Variants in MTMR8 observed in about 807,000 individuals in gnomAD.
MTMR8 encodes phosphatidylinositol-3,5-bisphosphate 3-phosphatase MTMR8.
MTMR8 carries 65 observed loss-of-function variants against 39.3 expected under a neutral mutation model. The ratio of observed to expected loss-of-function variants is 1.65; its 90% confidence interval spans 1.35 to 2.03. MTMR8 has a LOEUF of 2.03. MTMR8 is among the 30% of genes most tolerant of loss of function. The probability of loss-of-function intolerance (pLI) is 0.00; values close to 1 mark genes in which losing one functional copy is unlikely to be tolerated. For synonymous variants in MTMR8, 245 were observed against 185.2 expected, an observed-to-expected ratio of 1.32 and a Z score of -2.62; for missense variants, 777 against 538.9, an observed-to-expected ratio of 1.44 and a Z score of -4.37.
intron 1 of MTMR8, among the ~76,000 whole-genome samples, chrX:64,368,393 A>G (rs1208845867): frequency 8.9e-6 from 1 of 111,895 alleles, no homozygotes; most frequent in Non-Finnish European, 1.9e-5. Flanking sequence ...ACAGCATGGT[A>G]CTGGTACCAA....
At chrX:64,286,851 A>T (rs1379441317) in intron 12 of MTMR8, among the ~76,000 whole-genome samples, 3 of 111,637 alleles carry the variant, frequency 2.7e-5, no homozygotes, top group Non-Finnish European at 5.6e-5. Flanking sequence ...CCCACAGCCA[A>T]TATCATACTG....
chrX:64,360,340 G>T (rs769049353), intron 1 of MTMR8: 1 of 283,788 alleles, frequency 3.5e-6, no homozygotes, highest in South Asian at 3.4e-5. Flanking sequence ...AGGAACAAGT[G>T]CACATGGATA....
Position 64,365,689 on chromosome X carries a change from G to T in MTMR8, c.25-6162C>A, listed in dbSNP as rs184424330. On this transcript the variant is annotated intron_variant, in intron 1 of 13. Coordinates refer to ENST00000374852, the MANE Select transcript of MTMR8 (RefSeq NM_017677.4). ...TTGTAAAGATCATCGAGGCTAGGAA[G>T]AAACTGCATCAACTACCAAGCAAAA... is the stretch of plus-strand genomic sequence containing the variant. 6.8e-4 allele frequency among the ~76,000 whole-genome samples: 76 copies of T among 111,737 alleles called. No individual in the cohort carries two copies. The East Asian group carries it at 0.021, about 30-fold the overall frequency.
intron 12 of MTMR8, among the ~76,000 whole-genome samples, chrX:64,291,273 C>T (rs1375126615): frequency 1.8e-5 from 2 of 110,681 alleles, no homozygotes; most frequent in African/African-American, 6.6e-5. Flanking sequence ...CTTGCATACC[C>T]CACAAAACTG....
intron 1 of MTMR8, among the ~76,000 whole-genome samples, chrX:64,387,884 G>C (rs897391170): frequency 2.7e-5 from 3 of 109,896 alleles, no homozygotes; most frequent in African/African-American, 1.0e-4. Context: ...GAGAGAAAAG[G>C]AGAGAAAAGA....
intron 12 of MTMR8, among the ~76,000 whole-genome samples, chrX:64,301,223 G>A (rs1326171517): frequency 1.8e-5 from 2 of 108,369 alleles, no homozygotes; most frequent in Non-Finnish European, 3.8e-5. Flanking sequence ...CCAATCAGAC[G>A]TAGATTTGGT....
In MTMR8 at chrX:64,276,980, C is replaced by T. The variant is rs868611088; in HGVS notation, c.1482-5907G>A. Among the ~76,000 whole-genome samples, 198 of 112,078 alleles carry T rather than the reference C, an allele frequency of 1.8e-3. 2 individuals are homozygous for T. Among genetic ancestry groups the T allele is most frequent in the Non-Finnish European group, 7.9e-4 (42 of 53,169 alleles). ...TTAGGATAGTTAACTCTTCTTGTTG[C>T]ATTGATCCCTTTACCATTATGTAAT... is the stretch of plus-strand genomic sequence containing the variant. On this transcript the variant is annotated intron_variant, in intron 12 of 13. Transcript: ENST00000374852.
chrX:64,325,987 T>C (rs990566300), intron 12 of MTMR8, among the ~76,000 whole-genome samples: 1 of 111,954 alleles, frequency 8.9e-6, no homozygotes, highest in African/African-American at 3.2e-5. Context: ...TAGCCCACTG[T>C]TGACCAGAAG....
chrX:64,304,985 T>A (rs747062584), intron 12 of MTMR8: 4 of 91,174 alleles, frequency 4.4e-5, no homozygotes, highest in East Asian at 6.4e-4. Context: ...TATATGTATA[T>A]ACATATATAC....
At chrX:64,384,298 C>T (rs1445671384) in intron 1 of MTMR8, among the ~76,000 whole-genome samples, 6 of 111,004 alleles carry the variant, frequency 5.4e-5, no homozygotes, top group Non-Finnish European at 7.6e-5. Context: ...TAGGTGAATG[C>T]CTCCAGGTTT....
chrX:64,284,799 T>C (rs898664545), intron 12 of MTMR8, among the ~76,000 whole-genome samples: 2 of 111,827 alleles, frequency 1.8e-5, no homozygotes. Context: ...CCACCAGGCC[T>C]GCCCTACAAG....
At chrX:64,367,495 CCAA>C (rs1924005047) in intron 1 of MTMR8, among the ~76,000 whole-genome samples, 1 of 111,923 alleles carries the variant, frequency 8.9e-6, no homozygotes, top group Non-Finnish European at 1.9e-5. Context: ...ATAAACAGAA[CCAA>C]CGACAAAAAC....
intron 1 of MTMR8, among the ~76,000 whole-genome samples, chrX:64,392,611 G>T (rs983573047): frequency 2.5e-4 from 28 of 110,129 alleles, no homozygotes; most frequent in Non-Finnish European, 3.4e-4. Context: ...TTTTGTTTTT[G>T]TTTTTTTTAA....
chrX:64,306,924 C>G (rs1922139358), intron 12 of MTMR8, among the ~76,000 whole-genome samples: 1 of 111,530 alleles, frequency 9.0e-6, no homozygotes, highest in Non-Finnish European at 1.9e-5. Context: ...CTCCCTTCCT[C>G]AACCCCAGCA....
intron 12 of MTMR8, among the ~76,000 whole-genome samples, chrX:64,314,984 C>T (rs905382120): frequency 7.2e-5 from 8 of 111,507 alleles, no homozygotes; most frequent in Admixed American, 4.7e-4. Flanking sequence ...GAGTGATGGA[C>T]AAGACCACCC....
intron 1 of MTMR8, among the ~76,000 whole-genome samples, chrX:64,370,709 T>C (rs761116348): frequency 8.9e-6 from 1 of 112,116 alleles, no homozygotes; most frequent in South Asian, 3.7e-4. Flanking sequence ...ATATACCACA[T>C]AGCCTAGGTG....
chrX:64,307,625 T>C (rs1024706035), intron 12 of MTMR8, among the ~76,000 whole-genome samples: 2 of 111,826 alleles, frequency 1.8e-5, no homozygotes, highest in East Asian at 2.8e-4. Context: ...AAATTGAGTA[T>C]AATGGTTCCT....
intron 12 of MTMR8, among the ~76,000 whole-genome samples, chrX:64,278,825 C>T (rs554776226): frequency 9.0e-6 from 1 of 111,212 alleles, no homozygotes; most frequent in Non-Finnish European, 1.9e-5. Context: ...AAGTCAGGCC[C>T]CTCTGTTGCA....
At position 64,350,059 on chromosome X, in the gene MTMR8, G is replaced by A. The variant is rs928180902; in HGVS notation, c.480C>T (p.Thr160=). Reference sequence around the variant, plus strand: ...TAGGAACCACTATTTCAGGAGGGTAGGTGCTGCATATCTAAAAGAAAATAA... The same window carrying A: ...TAGGAACCACTATTTCAGGAGGGTAAGTGCTGCATATCTAAAAGAAAATAA... ...DANRNYEICS[T]YPPEIVVPKS... is the part of the protein sequence containing the mutation. Residue 160 remains threonine (T), a synonymous_variant, in exon 5 of 14, where the codon ACC becomes ACT. Coordinates refer to ENST00000374852, the MANE Select transcript of MTMR8 (RefSeq NM_017677.4). The A allele has an allele frequency of 2.7e-6, 3 of 1,131,884 alleles. No homozygotes were observed. Among genetic ancestry groups the A allele is most frequent in the Non-Finnish European group, 3.5e-6 (3 of 849,378 alleles). The allele number at this position is 1,131,884 out of a possible 1,213,427, so 93.3% of individuals were successfully genotyped here.
Sources: allele counts gnomAD v4.1 joint callset (sites outside exome capture counted in the v4.1 genomes callset), GRCh38; gene constraint gnomAD v4.1.1; transcripts MANE v1.5; gene names NCBI Gene and HGNC (gene_info 2026-07-23, HGNC 2026-07-21).